Variants in GFPT2 observed in about 807,000 individuals in gnomAD.
GFPT2 encodes glutamine--fructose-6-phosphate aminotransferase [isomerizing] 2.
A neutral mutation model predicts 85.6 loss-of-function variants in GFPT2; 62 were observed. That is an observed-to-expected ratio of 0.72 (90% CI 0.59 to 0.90). The LOEUF (loss-of-function observed/expected upper bound fraction) is 0.90, where lower values mean the gene tolerates loss of function less well. Ranked by LOEUF, GFPT2 falls within the 40% of genes least tolerant of loss-of-function variation. The probability of loss-of-function intolerance (pLI) is 0.00; values close to 1 mark genes in which losing one functional copy is unlikely to be tolerated. For missense variants in GFPT2, 788 were observed against 893.4 expected, an observed-to-expected ratio of 0.88 and a Z score of 1.50; for synonymous variants, 368 against 344.5, an observed-to-expected ratio of 1.07 and a Z score of -0.75.
chr5:180,322,853 A>G (rs1039583990), intron 9 of GFPT2, among the ~76,000 whole-genome samples: 2 of 151,902 alleles, frequency 1.3e-5, no homozygotes, highest in African/African-American at 4.8e-5. Context: ...TGGCTAACAC[A>G]GTGAAACCCC....
At chr5:180,321,230 C>T (rs973225713) in intron 9 of GFPT2, among the ~76,000 whole-genome samples, 13 of 151,230 alleles carry the variant, frequency 8.6e-5, no homozygotes, top group African/African-American at 7.3e-5. Context: ...GAAGTAAAAA[C>T]GGCCCTATCC....
chr5:180,310,412 A>G (rs1763856854), intron 15 of GFPT2, among the ~76,000 whole-genome samples: 1 of 149,920 alleles, frequency 6.7e-6, no homozygotes, highest in African/African-American at 2.5e-5. Context: ...CATCAAGGCC[A>G]TTCTTTTTTG....
intron 15 of GFPT2, among the ~76,000 whole-genome samples, chr5:180,308,911 C>T (rs1763826070): frequency 6.6e-6 from 1 of 151,796 alleles, no homozygotes. Context: ...ACTCTGTCAC[C>T]CAACCTGGGG....
intron 5 of GFPT2, chr5:180,331,284 G>T: frequency 3.5e-6 from 2 of 575,734 alleles, no homozygotes; most frequent in Non-Finnish European, 6.1e-6. Flanking sequence ...TGGCCCTTGA[G>T]ATAAACACTA....
intron 1 of GFPT2, among the ~76,000 whole-genome samples, chr5:180,341,355 C>G (rs73351317): frequency 5.6e-4 from 85 of 152,250 alleles, no homozygotes; most frequent in African/African-American, 1.9e-3. Flanking sequence ...ACGAAACCAC[C>G]TGGAATATCT....
chr5:180,349,933 A>G (rs1168555494), intron 1 of GFPT2, among the ~76,000 whole-genome samples: 2 of 150,592 alleles, frequency 1.3e-5, no homozygotes, highest in East Asian at 3.9e-4. Context: ...ACGCACAGGG[A>G]CAGTTTACAA....
rs142507382 is a variant in GFPT2, at chr5:180,342,485, C to T, written c.8-3885G>A. ...AGTGCAGTGTTGTGATCTCGGCTCA[C>T]TGCAACCTCGAACTCCCAGGCCCAA... is the stretch of plus-strand genomic sequence containing the variant. On this transcript the variant is annotated intron_variant, in intron 1 of 18. Transcript: ENST00000253778. 1.4e-3 allele frequency among the ~76,000 whole-genome samples: 212 copies of T among 147,270 alleles called. 1 individual carries two copies. The highest frequency in any genetic ancestry group is 2.4e-3 in the Non-Finnish European group (163 of 67,360).
chr5:180,337,514 G>A (rs957257934), intron 2 of GFPT2, among the ~76,000 whole-genome samples: 7 of 150,842 alleles, frequency 4.6e-5, no homozygotes, highest in African/African-American at 1.7e-4. Flanking sequence ...GAAAAGAGAA[G>A]AATATAAAAT....
At chr5:180,347,458 G>T (rs34330028) in intron 1 of GFPT2, among the ~76,000 whole-genome samples, 11,913 of 152,216 alleles carry the variant, frequency 0.078, 499 homozygotes, top group Middle Eastern at 0.1. Flanking sequence ...AAAATGAACC[G>T]GGAAAGGTCC....
At chr5:180,310,119 T>G (rs1254814175) in intron 15 of GFPT2, among the ~76,000 whole-genome samples, 1 of 151,608 alleles carries the variant, frequency 6.6e-6, no homozygotes, top group East Asian at 2.0e-4. Flanking sequence ...CTTTTCTTTT[T>G]GAGATGAAGT....
intron 1 of GFPT2, among the ~76,000 whole-genome samples, chr5:180,349,263 C>A (rs1764665884): frequency 6.6e-6 from 1 of 151,888 alleles, no homozygotes; most frequent in African/African-American, 2.4e-5. Context: ...GCCATGATTG[C>A]CCCACTGCAT....
At chr5:180,335,805 G>C (rs1413852172) in intron 4 of GFPT2, 23 bp downstream of exon 4, 6 of 1,600,320 alleles carry the variant, frequency 3.7e-6, no homozygotes, top group Non-Finnish European at 5.1e-6. Flanking sequence ...GGAACCATGG[G>C]GACGGGGAAG....
In GFPT2 at chr5:180,330,802, T is replaced by G; in HGVS notation, c.432A>C (p.Thr144=). 2 of 1,613,678 alleles carry G rather than the reference T, an allele frequency of 1.2e-6. No individual in the cohort carries two copies. The highest frequency in any genetic ancestry group is 1.7e-6 in the Non-Finnish European group (2 of 1,179,544). The change falls in exon 6 of 19, where the codon ACA becomes ACC. Residue 144 remains threonine (T), a synonymous_variant. Coordinates refer to ENST00000253778, the MANE Select transcript of GFPT2 (RefSeq NM_005110.4). This position sits in a 1 kb window ranked among gnomAD's most constrained non-coding sequence, Gnocchi z 4.4. ...TCAGCTTGGCGATGGTCTCTGTATC[T>G]GTTTCTGACTCAAACTCGTAGCCTT... is the stretch of plus-strand genomic sequence containing the variant. ...ESKGYEFESE[T]DTETIAKLIK...
At chr5:180,341,794 C>G (rs771549878) in intron 1 of GFPT2, among the ~76,000 whole-genome samples, 4 of 152,144 alleles carry the variant, frequency 2.6e-5, no homozygotes, top group Non-Finnish European at 5.9e-5. Context: ...CAAAGTGTCC[C>G]CAGTGAGGGC....
intron 1 of GFPT2, among the ~76,000 whole-genome samples, chr5:180,339,611 T>C (rs1208094611): frequency 6.6e-6 from 1 of 152,170 alleles, no homozygotes; most frequent in African/African-American, 2.4e-5. Context: ...TGATGACAGA[T>C]CCTTGATGTC....
Position 180,331,521 on chromosome 5 carries a change from T to C in GFPT2, c.373A>G (p.Asn125Asp). ...FVVIHNGIIT[N>D]YKDLRKFLES... ...AGAAATTTCCTCAGATCTTTGTAAT[T>C]TGTGATGATCCCATTGTGGATGACA... Residue 125 changes from asparagine (N) to aspartate (D), a missense_variant, in exon 5 of 19, where the codon AAT becomes GAT. Asn to Asp is a conservative substitution (Grantham distance 23, BLOSUM62 1). Coordinates refer to ENST00000253778, the MANE Select transcript of GFPT2 (RefSeq NM_005110.4). The C allele has an allele frequency of 7.5e-6, 12 of 1,595,790 alleles. No individual in the cohort carries two copies. Among genetic ancestry groups the C allele is most frequent in the East Asian group, 2.2e-5 (1 of 44,802 alleles).
intron 1 of GFPT2, among the ~76,000 whole-genome samples, chr5:180,339,955 T>C (rs1296593168): frequency 1.3e-5 from 2 of 152,196 alleles, no homozygotes; most frequent in South Asian, 2.1e-4. Flanking sequence ...TGTCACTGGG[T>C]TTCAGGCATA....
intron 4 of GFPT2, among the ~76,000 whole-genome samples, chr5:180,335,160 T>C (rs1156311109): frequency 6.6e-6 from 1 of 152,206 alleles, no homozygotes; most frequent in Admixed American, 6.5e-5. Flanking sequence ...TTCCAGATCC[T>C]CCAGTTTTTC....
intron 2 of GFPT2, 82 bp from the exon 3 acceptor site, chr5:180,336,659 C>T: frequency 2.2e-6 from 2 of 895,730 alleles, no homozygotes; most frequent in Non-Finnish European, 3.8e-6. Flanking sequence ...AGGGTCAGGG[C>T]TGCATGCCCC....
Sources: allele counts gnomAD v4.1 joint callset (sites outside exome capture counted in the v4.1 genomes callset), GRCh38; gene constraint gnomAD v4.1.1; non-coding constraint Gnocchi (gnomAD v3.1); transcripts MANE v1.5; gene names NCBI Gene and HGNC (gene_info 2026-07-23, HGNC 2026-07-21).